The following IMMP2L variants were observed in gnomAD, a reference collection of about 807,000 sequenced individuals.
The protein encoded by IMMP2L is inner mitochondrial membrane peptidase subunit 2, also known as mitochondrial inner membrane protease subunit 2.
A neutral mutation model predicts 19.3 loss-of-function variants in IMMP2L; 18 were observed. The ratio of observed to expected loss-of-function variants is 0.93; its 90% CI spans 0.64 to 1.38. The LOEUF (loss-of-function observed/expected upper bound fraction) is 1.38, where lower values mean the gene tolerates loss of function less well. Among genes scored for constraint, IMMP2L ranks in the 40% most tolerant of loss-of-function variants. IMMP2L has a pLI of 0.00. For missense variants in IMMP2L, 233 were observed against 218.2 expected, an observed-to-expected ratio of 1.07 and a Z score of -0.43; for synonymous variants, 76 against 73.0, an observed-to-expected ratio of 1.04 and a Z score of -0.21.
intron 3 of IMMP2L, among the ~76,000 whole-genome samples, chr7:111,036,352 T>C (rs1442127641): frequency 6.6e-6 from 1 of 152,164 alleles, no homozygotes; most frequent in South Asian, 2.1e-4. Flanking sequence ...CATCTCCCCT[T>C]TGGGGCCTCA....
intron 3 of IMMP2L, among the ~76,000 whole-genome samples, chr7:111,368,585 A>C (rs1194208557): frequency 1.3e-5 from 2 of 151,900 alleles, no homozygotes; most frequent in Non-Finnish European, 2.9e-5. Flanking sequence ...TATCTGTTTC[A>C]AGCATAACTC....
At chr7:111,089,988 C>T (rs1255010429) in intron 3 of IMMP2L, among the ~76,000 whole-genome samples, 6 of 151,444 alleles carry the variant, frequency 4.0e-5, no homozygotes, top group Non-Finnish European at 5.9e-5. Context: ...CTAATAAGTG[C>T]CATTTCTCTT....
intron 3 of IMMP2L, among the ~76,000 whole-genome samples, chr7:111,136,805 G>A (rs976030348): frequency 2.0e-5 from 3 of 152,188 alleles, no homozygotes; most frequent in Admixed American, 1.3e-4. Context: ...TGCTAAGCAT[G>A]AACAGACATA....
intron 3 of IMMP2L, among the ~76,000 whole-genome samples, chr7:111,087,640 A>C (rs917857462): frequency 5.0e-4 from 76 of 152,102 alleles, no homozygotes; most frequent in African/African-American, 1.8e-3. Flanking sequence ...GGAGCTTAAA[A>C]ACTTAACAAG....
intron 3 of IMMP2L, among the ~76,000 whole-genome samples, chr7:111,278,987 A>G (rs1485459610): frequency 2.0e-5 from 3 of 152,214 alleles, no homozygotes; most frequent in Non-Finnish European, 4.4e-5. Context: ...ACATGAAAAA[A>G]AAAATTTCAA....
intron 3 of IMMP2L, among the ~76,000 whole-genome samples, chr7:111,461,788 C>T (rs1840158370): frequency 6.6e-6 from 1 of 151,828 alleles, no homozygotes; most frequent in African/African-American, 2.4e-5. Flanking sequence ...GTTTACAAGG[C>T]AAAAATACAT....
chr7:111,527,189 C>G (rs1489227576), intron 1 of IMMP2L, among the ~76,000 whole-genome samples: 2 of 152,012 alleles, frequency 1.3e-5, no homozygotes, highest in East Asian at 3.9e-4. Context: ...GGAGGCCAAG[C>G]AAGAGGGTCA....
At chr7:110,682,718 C>A (rs1792814177) in intron 5 of IMMP2L, among the ~76,000 whole-genome samples, 1 of 152,050 alleles carries the variant, frequency 6.6e-6, no homozygotes, top group African/African-American at 2.4e-5. Context: ...ACAGAAGATA[C>A]CTTGCATGTG....
rs190693400 is a variant in IMMP2L at position 110,743,912 on chromosome 7, C to T, written c.409-80191G>A. Among the ~76,000 whole-genome samples, 432 of 152,146 alleles carry T rather than the reference C, an allele frequency of 2.8e-3. 4 individuals carry two copies. Among genetic ancestry groups the T allele is most frequent in the African/African-American group, 9.7e-3 (402 of 41,518 alleles). ...GCCTGGAACACCAGTGAAACAGAAC[C>T]GTTCACTCCCCCTGCAAAGGGGGCT... is the stretch of plus-strand genomic sequence containing the variant. On this transcript the variant is annotated intron_variant, in intron 5 of 5. Transcript: ENST00000405709.
At chr7:111,304,295 C>A (rs977934514) in intron 3 of IMMP2L, among the ~76,000 whole-genome samples, 4 of 151,892 alleles carry the variant, frequency 2.6e-5, no homozygotes, top group Non-Finnish European at 5.9e-5. Flanking sequence ...AAAGCTTTAA[C>A]AGGAAATAAG....
In IMMP2L at chr7:110,663,597, T is replaced by G. The variant is rs1233212020; in HGVS notation, c.*5A>C. ...AATGCCAGCAACTCAGGTAGATTCA[T>G]GCAGTCATTCCTCTTCTCTCTGTAC... On this transcript the variant is annotated 3_prime_UTR_variant, in exon 6 of 6. Transcript: ENST00000405709. 5 of 1,613,480 alleles carry G rather than the reference T, an allele frequency of 3.1e-6. No homozygotes were observed. The highest frequency in any genetic ancestry group is 1.7e-5 in the Admixed American group (1 of 59,962).
At chr7:111,212,259 A>G (rs1366219089) in intron 3 of IMMP2L, among the ~76,000 whole-genome samples, 4 of 152,240 alleles carry the variant, frequency 2.6e-5, no homozygotes, top group Admixed American at 2.6e-4. Flanking sequence ...ATTTTATAAA[A>G]TAATAGTTCA....
At chr7:110,922,176 A>G (rs1814365687) in intron 4 of IMMP2L, among the ~76,000 whole-genome samples, 1 of 152,228 alleles carries the variant, frequency 6.6e-6, no homozygotes, top group African/African-American at 2.4e-5. Context: ...AAAGAACTGT[A>G]GAAATAGCTG....
At chr7:110,796,356 A>G (rs1234887751) in intron 5 of IMMP2L, among the ~76,000 whole-genome samples, 2 of 152,070 alleles carry the variant, frequency 1.3e-5, no homozygotes, top group African/African-American at 4.8e-5. Flanking sequence ...AATGAGTTCA[A>G]GGCAGAAATA....
At chr7:110,918,423 A>T (rs1396553956) in intron 4 of IMMP2L, among the ~76,000 whole-genome samples, 1 of 151,696 alleles carries the variant, frequency 6.6e-6, no homozygotes, top group Non-Finnish European at 1.5e-5. Context: ...AAAAATACCA[A>T]AATAAATAGG....
At chr7:111,502,690 G>T (rs1371475742) in intron 2 of IMMP2L, among the ~76,000 whole-genome samples, 1 of 151,212 alleles carries the variant, frequency 6.6e-6, no homozygotes, top group African/African-American at 2.4e-5. Flanking sequence ...TCAACTACAT[G>T]GAAACTGAAC....
intron 3 of IMMP2L, among the ~76,000 whole-genome samples, chr7:111,110,719 G>A (rs1462333400): frequency 1.3e-5 from 2 of 152,110 alleles, no homozygotes; most frequent in Non-Finnish European, 2.9e-5. Flanking sequence ...ACTGAGCAAT[G>A]TGAACTATTT....
rs1323219036 is a variant in IMMP2L, at chr7:111,562,272, T to G, written c.-424A>C. 6.6e-6 allele frequency: 1 copy of G among 152,246 alleles called. No homozygotes were observed. The highest frequency in any genetic ancestry group is 1.5e-5 in the Non-Finnish European group (1 of 68,194). The allele number at this position is 152,246 out of a possible 1,614,324, so 9.4% of individuals were successfully genotyped here. A position where few individuals can be genotyped will look rare whatever the true frequency, so the allele number is the denominator to read the frequency against. On this transcript the variant is annotated 5_prime_UTR_variant, in exon 1 of 6. Coordinates refer to ENST00000405709, the MANE Select transcript of IMMP2L (RefSeq NM_032549.4). ...CACGCGCACGCACACATGCTCGCGATCACGCAGGACTCGCGGCCGCGCACC... is the reference window on the plus strand; with the variant it reads ...CACGCGCACGCACACATGCTCGCGAGCACGCAGGACTCGCGGCCGCGCACC...
At chr7:111,285,520 T>C (rs918072058) in intron 3 of IMMP2L, among the ~76,000 whole-genome samples, 3 of 152,106 alleles carry the variant, frequency 2.0e-5, no homozygotes, top group Non-Finnish European at 2.9e-5. Context: ...AGGGGAATCA[T>C]TGAAACTTAA....
Sources: allele counts gnomAD v4.1 joint callset (sites outside exome capture counted in the v4.1 genomes callset), GRCh38; gene constraint gnomAD v4.1.1; transcripts MANE v1.5; gene names NCBI Gene and HGNC (gene_info 2026-07-23, HGNC 2026-07-21).